The following EPB41L4B variants were observed in gnomAD, a reference collection of about 807,000 sequenced individuals.
EPB41L4B encodes the protein erythrocyte membrane protein band 4.1 like 4B.
A neutral mutation model predicts 112.5 loss-of-function variants in EPB41L4B; 30 were observed. The observed-to-expected ratio is 0.27, with a 90% CI of 0.20 to 0.36. The LOEUF (loss-of-function observed/expected upper bound fraction) is 0.36. EPB41L4B is among the 10% of genes least tolerant of loss of function. The probability of loss-of-function intolerance (pLI) is 1.00; values close to 1 mark genes in which losing one functional copy is unlikely to be tolerated. For synonymous variants in EPB41L4B, 408 were observed against 439.7 expected (o/e 0.93, Z 0.90); for missense variants, 1,024 against 1,133.3 (o/e 0.90, Z 1.38).
chr9:109,250,446 C>G (rs965044376), intron 13 of EPB41L4B, among the ~76,000 whole-genome samples: 11 of 152,188 alleles, frequency 7.2e-5, no homozygotes, highest in African/African-American at 2.2e-4. Context: ...GAGACCTGCG[C>G]CTGGGATGAC....
chr9:109,206,983 A>G lies in EPB41L4B; in HGVS notation c.1878+941T>C, dbSNP rs115382873. On this transcript the variant is annotated intron_variant, in intron 18 of 25. Coordinates refer to ENST00000374566, the MANE Select transcript of EPB41L4B (RefSeq NM_019114.5). Reference sequence around the variant, plus strand: ...TTCCAACACTGGCAGATCCAGCTGCATGGTATCCACCTCAGACATATCAGC... The same window carrying G: ...TTCCAACACTGGCAGATCCAGCTGCGTGGTATCCACCTCAGACATATCAGC... 6.0e-3 allele frequency among the ~76,000 whole-genome samples: 911 copies of G among 152,318 alleles called. 12 individuals are homozygous for G. The highest frequency in any genetic ancestry group is 0.024 in the Middle Eastern group (7 of 294).
At chr9:109,266,475 A>G (rs1415789286) in intron 4 of EPB41L4B, among the ~76,000 whole-genome samples, 3 of 152,194 alleles carry the variant, frequency 2.0e-5, no homozygotes, top group Admixed American at 1.3e-4. Flanking sequence ...TACATAGCCT[A>G]TATGTCACCA....
chr9:109,303,649 G>A (rs541963810), intron 1 of EPB41L4B, among the ~76,000 whole-genome samples: 2 of 152,026 alleles, frequency 1.3e-5, no homozygotes, highest in African/African-American at 4.8e-5. Flanking sequence ...CACCATGCCT[G>A]GCTGGGTTTT....
intron 12 of EPB41L4B, among the ~76,000 whole-genome samples, chr9:109,252,182 C>G (rs1380907138): frequency 6.6e-6 from 1 of 152,156 alleles, no homozygotes; most frequent in East Asian, 1.9e-4. Flanking sequence ...CCAGGGGGTC[C>G]CTCCCTTTGT....
In EPB41L4B at chr9:109,172,902, A is replaced by C. The variant is rs1166912981; in HGVS notation, c.*1652T>G. 1 of 152,574 alleles carries C rather than the reference A, an allele frequency of 6.6e-6. No homozygotes were observed. Among genetic ancestry groups the C allele is most frequent in the Non-Finnish European group, 1.5e-5 (1 of 68,030 alleles). 9.5% of individuals were successfully genotyped at this position (152,574 alleles called of 1,614,324 possible). A position where few individuals can be genotyped will look rare whatever the true frequency, so the allele number is the denominator to read the frequency against. ...ATTGGCACCATTCAGTTTTAAGGAG[A>C]GGGGCAGGAGAGCAAACTATACAAT... On this transcript the variant is annotated 3_prime_UTR_variant, in exon 26 of 26. Coordinates refer to ENST00000374566, the MANE Select transcript of EPB41L4B (RefSeq NM_019114.5).
At chr9:109,188,090 T>C (rs1408222497) in intron 22 of EPB41L4B, among the ~76,000 whole-genome samples, 1 of 152,228 alleles carries the variant, frequency 6.6e-6, no homozygotes, top group Admixed American at 6.5e-5. Context: ...CATGCTTGGC[T>C]TTTGAGTTCA....
intron 3 of EPB41L4B, 118 bp downstream of exon 3, chr9:109,268,273 C>G (rs988832487): frequency 2.2e-6 from 2 of 910,440 alleles, no homozygotes; most frequent in African/African-American, 1.7e-5. Context: ...CACTTAATAC[C>G]GAATTGATTT....
At chr9:109,238,316 T>G (rs890478992) in intron 15 of EPB41L4B, among the ~76,000 whole-genome samples, 11 of 152,150 alleles carry the variant, frequency 7.2e-5, no homozygotes, top group Admixed American at 2.6e-4. Flanking sequence ...GCTGACACAC[T>G]GAGTAATATT....
chr9:109,200,375 G>C (rs762459456), intron 19 of EPB41L4B, 41 bp from the exon 20 acceptor site: 1 of 1,513,242 alleles, frequency 6.6e-7, no homozygotes, highest in Non-Finnish European at 9.2e-7. Flanking sequence ...CATCAAAAAA[G>C]GTTTATGGTC....
intron 14 of EPB41L4B, among the ~76,000 whole-genome samples, chr9:109,246,449 T>C (rs753841400): frequency 2.0e-5 from 3 of 152,138 alleles, no homozygotes; most frequent in African/African-American, 4.8e-5. Context: ...CATGAGCCAC[T>C]GTGGCCAACT....
chr9:109,242,329 T>G (rs1834381626), intron 15 of EPB41L4B, among the ~76,000 whole-genome samples: 1 of 152,222 alleles, frequency 6.6e-6, no homozygotes, highest in South Asian at 2.1e-4. Context: ...ACACTAAAGC[T>G]GCCAACAGCA....
Position 109,255,584 on chromosome 9 carries a change from G to A in EPB41L4B, c.1096C>T (p.Arg366Ter), listed in dbSNP as rs1460539007. The A allele has an allele frequency of 2.5e-6, 4 of 1,614,222 alleles. No homozygotes were observed. Among genetic ancestry groups the A allele is most frequent in the Non-Finnish European group, 2.5e-6 (3 of 1,180,044 alleles). The change falls in exon 11 of 26, where the codon CGA (arginine) becomes TGA (stop). Residue 366 changes from arginine to a stop codon, truncating the protein, a stop_gained. Transcript: ENST00000374566. LOFTEE classifies it high-confidence loss of function. ...TTGCTGTTTCCTGGCGTCCGCAGTC[G>A]GAAGAATGCGTGGTGCTCAACTGCA... The part of the protein sequence containing the change: ...KCAVEHHAFF[R>*]LRTPGNSKSN...
chr9:109,280,207 AAGCTTTGCCAAAATC>A (rs1835983979), intron 1 of EPB41L4B, among the ~76,000 whole-genome samples: 1 of 152,202 alleles, frequency 6.6e-6, no homozygotes, highest in Non-Finnish European at 1.5e-5. Context: ...ATGGGAAGAT[AAGCTTTGCCAAAATC>A]AGACACACTT....
intron 13 of EPB41L4B, among the ~76,000 whole-genome samples, chr9:109,249,723 T>C (rs899035130): frequency 6.6e-6 from 1 of 152,010 alleles, no homozygotes; most frequent in African/African-American, 2.4e-5. Context: ...TGGCATACTA[T>C]CTGCCAGAAG....
In EPB41L4B at chr9:109,230,456, T is replaced by G. The variant is rs561515591; in HGVS notation, c.1409+13162A>C. ...TGGCAGACATTGCATTTTTGGACAT[T>G]AAGCATTCGTATGCCAGGAACTACA... On this transcript the variant is annotated intron_variant, in intron 15 of 25. Transcript: ENST00000374566. Among the ~76,000 whole-genome samples, 11 of 152,322 alleles carry G rather than the reference T, an allele frequency of 7.2e-5. No individual in the cohort carries two copies. In the East Asian group the frequency reaches 2.1e-3, roughly 29 times the overall value.
At chr9:109,233,247 G>A (rs1241046949) in intron 15 of EPB41L4B, among the ~76,000 whole-genome samples, 1 of 151,996 alleles carries the variant, frequency 6.6e-6, no homozygotes, top group Non-Finnish European at 1.5e-5. Flanking sequence ...GGTGACTCTT[G>A]GGATGTGGCT....
intron 20 of EPB41L4B, among the ~76,000 whole-genome samples, chr9:109,197,825 A>AC (rs1348821419): frequency 1.3e-5 from 2 of 151,688 alleles, no homozygotes; most frequent in Non-Finnish European, 2.9e-5. Flanking sequence ...GTATCAAAAA[A>AC]AAAAAAAAAC....
chr9:109,184,869 C>T (rs1037336622), intron 23 of EPB41L4B, among the ~76,000 whole-genome samples: 1 of 152,176 alleles, frequency 6.6e-6, no homozygotes, highest in Non-Finnish European at 1.5e-5. Flanking sequence ...AGACCATTCA[C>T]TTGATGAAAT....
At chr9:109,280,103 C>T (rs1249976322) in intron 1 of EPB41L4B, among the ~76,000 whole-genome samples, 182 bp from the exon 2 acceptor site, 1 of 152,084 alleles carries the variant, frequency 6.6e-6, no homozygotes, top group African/African-American at 2.4e-5. Context: ...AACTCAAATG[C>T]CACATAATAG....
Sources: gnomAD v4.1 joint callset for allele counts (sites outside exome capture counted in the v4.1 genomes callset) on GRCh38, gnomAD v4.1.1 for gene constraint, MANE v1.5 for transcripts, NCBI Gene and HGNC (gene_info 2026-07-23, HGNC 2026-07-21) for gene names.